Variants in ZNF83 observed in about 807,000 individuals in gnomAD.
The protein encoded by ZNF83 is zinc finger protein 816B.
For synonymous variants in ZNF83, 209 were observed against 213.0 expected (o/e 0.98, Z 0.17); for missense variants, 552 against 629.9 (o/e 0.88, Z 1.32).
intron 2 of ZNF83, among the ~76,000 whole-genome samples, chr19:52,623,098 G>A (rs1468493504): frequency 6.6e-6 from 1 of 152,204 alleles, no homozygotes; most frequent in Non-Finnish European, 1.5e-5. Flanking sequence ...CGTCCCATCT[G>A]TGCAGGGACC....
chr19:52,674,633 A>C (rs1206163649), intron 1 of ZNF83, among the ~76,000 whole-genome samples: 1 of 152,220 alleles, frequency 6.6e-6, no homozygotes, highest in African/African-American at 2.4e-5. Context: ...AACAGTAAAA[A>C]ATTTTAAAAG....
chr19:52,622,773 G>A (rs1360328924), intron 2 of ZNF83, among the ~76,000 whole-genome samples: 2 of 145,160 alleles, frequency 1.4e-5, no homozygotes, highest in African/African-American at 5.1e-5. Flanking sequence ...GTCAGCTCCT[G>A]ACATTAGAAA....
intron 1 of ZNF83, among the ~76,000 whole-genome samples, chr19:52,688,923 C>T (rs1032772646): frequency 1.4e-5 from 2 of 144,944 alleles, no homozygotes; most frequent in African/African-American, 5.1e-5. Flanking sequence ...GCTCCAGACA[C>T]CCCCACCTTC....
chr19:52,677,906 G>A (rs1328550422), intron 1 of ZNF83, among the ~76,000 whole-genome samples: 2 of 151,314 alleles, frequency 1.3e-5, no homozygotes, highest in South Asian at 2.1e-4. Flanking sequence ...ATGGTGGCAC[G>A]TGCCCATCAT....
intron 1 of ZNF83, among the ~76,000 whole-genome samples, chr19:52,675,822 G>A (rs1012640297): frequency 1.3e-5 from 2 of 152,254 alleles, no homozygotes; most frequent in African/African-American, 2.4e-5. Flanking sequence ...GACGAAAGTG[G>A]AACTAATTTA....
At chr19:52,684,472 C>A (rs1321283259) in intron 1 of ZNF83, among the ~76,000 whole-genome samples, 3 of 148,638 alleles carry the variant, frequency 2.0e-5, no homozygotes, top group South Asian at 2.1e-4. Flanking sequence ...TCACTTGAAG[C>A]TAGGAGACAG....
chr19:52,641,344 T>C (rs542494937), upstream of ZNF83, among the ~76,000 whole-genome samples: 1 of 152,344 alleles, frequency 6.6e-6, no homozygotes, highest in South Asian at 2.1e-4. Context: ...CAATACTAAG[T>C]GAAATATTAG....
At chr19:52,668,809 C>A (rs1456333853) in intron 1 of ZNF83, among the ~76,000 whole-genome samples, 1 of 152,208 alleles carries the variant, frequency 6.6e-6, no homozygotes, top group Non-Finnish European at 1.5e-5. Context: ...GGGCTGTCCT[C>A]CAGTAGACCA....
chr19:52,659,477 G>A (rs1007167336), intron 2 of ZNF83, among the ~76,000 whole-genome samples: 1 of 152,114 alleles, frequency 6.6e-6, no homozygotes, highest in Non-Finnish European at 1.5e-5. Context: ...AAACACAGCA[G>A]AACTAGCAAA....
chr19:52,615,674 G>C (rs1043327104), intron 2 of ZNF83, among the ~76,000 whole-genome samples: 1 of 152,166 alleles, frequency 6.6e-6, no homozygotes, highest in Non-Finnish European at 1.5e-5. Context: ...TATGCATTTT[G>C]ATCTTGGACT....
At chr19:52,641,650 G>A (rs988402602), upstream of ZNF83, among the ~76,000 whole-genome samples, 3 of 151,982 alleles carry the variant, frequency 2.0e-5, no homozygotes, top group African/African-American at 7.3e-5. Flanking sequence ...GCGGCATCTC[G>A]ATCATTTTGG....
At chr19:52,667,224 GAA>G (rs34235519) in intron 1 of ZNF83, among the ~76,000 whole-genome samples, 17,118 of 85,918 alleles carry the variant, frequency 0.2, 1,258 homozygotes, top group African/African-American at 0.27. Flanking sequence ...TATCATCTTT[GAA>G]AAAAAAAAAA....
At chr19:52,633,622 T>A (rs544718072) in intron 2 of ZNF83, among the ~76,000 whole-genome samples, 12 of 152,294 alleles carry the variant, frequency 7.9e-5, no homozygotes, top group African/African-American at 2.9e-4. Flanking sequence ...AACAAATATA[T>A]TCATTGGTCA....
At chr19:52,648,606 T>A (rs2061404742) in intron 3 of ZNF83, among the ~76,000 whole-genome samples, 1 of 152,186 alleles carries the variant, frequency 6.6e-6, no homozygotes. Context: ...GAATCCAACT[T>A]CTCTAAGACT....
At chr19:52,682,036 C>T (rs539765944) in intron 1 of ZNF83, among the ~76,000 whole-genome samples, 4 of 152,002 alleles carry the variant, frequency 2.6e-5, no homozygotes, top group African/African-American at 7.2e-5. Context: ...TTAGTAGAGA[C>T]GAGGTTTCAC....
chr19:52,687,244 C>G (rs1433337231), intron 1 of ZNF83, among the ~76,000 whole-genome samples: 1 of 146,202 alleles, frequency 6.8e-6, no homozygotes, highest in Non-Finnish European at 1.5e-5. Flanking sequence ...AATCCCAGTA[C>G]TTTGGGAGGT....
chr19:52,687,816 C>A (rs1352940899), intron 1 of ZNF83, among the ~76,000 whole-genome samples: 1 of 148,872 alleles, frequency 6.7e-6, no homozygotes, highest in East Asian at 2.0e-4. Flanking sequence ...TACAGCCAGA[C>A]CCTGTCTCAA....
At chr19:52,623,043 C>T (rs985614955) in intron 2 of ZNF83, among the ~76,000 whole-genome samples, 1 of 152,174 alleles carries the variant, frequency 6.6e-6, no homozygotes, top group African/African-American at 2.4e-5. Context: ...GAAATCTGGC[C>T]ACTGGGCCAA....
chr19:52,632,131 C>A (rs1016998758), intron 2 of ZNF83, among the ~76,000 whole-genome samples: 1 of 148,616 alleles, frequency 6.7e-6, no homozygotes, highest in Non-Finnish European at 1.5e-5. Flanking sequence ...TTCTGTCAGA[C>A]ATAATTCCTC....
Sources: gnomAD v4.1 joint callset for allele counts (sites outside exome capture counted in the v4.1 genomes callset) on GRCh38, gnomAD v4.1.1 for gene constraint, MANE v1.5 for transcripts, NCBI Gene and HGNC (gene_info 2026-07-23, HGNC 2026-07-21) for gene names.